The following MPP2 variants were observed in gnomAD, a reference collection of about 807,000 sequenced individuals.
The protein encoded by MPP2 is MAGUK p55 scaffold protein 2, also known as MAGUK p55 subfamily member 2.
In MPP2, 42 loss-of-function variants were observed where a neutral mutation model predicts 58.5. That is an observed-to-expected ratio of 0.72 (90% confidence interval 0.56 to 0.93). MPP2 has a LOEUF of 0.93. MPP2 is among the 40% of genes least tolerant of loss of function. The probability of loss-of-function intolerance (pLI) is 0.00; values close to 1 mark genes in which losing one functional copy is unlikely to be tolerated. For synonymous variants in MPP2, 300 were observed against 307.8 expected (o/e 0.97, Z 0.26); for missense variants, 632 against 760.4 (o/e 0.83, Z 1.99).
At position 43,882,316 on chromosome 17, in the gene MPP2, G is replaced by GT. The variant is rs780354179; in HGVS notation, c.648_649insA (p.Pro217ThrfsTer19). On this transcript the variant is annotated frameshift_variant, in exon 6 of 13. Transcript: ENST00000269095. LOFTEE classifies it high-confidence loss of function. Reference sequence around the variant, plus strand: ...GGCAGATGGGGCTCCTGGTAGCTGGGCAGGATCTTGAGGATGACACTGCCA... The same window carrying GT: ...GGCAGATGGGGCTCCTGGTAGCTGGGTCAGGATCTTGAGGATGACACTGCCA... 1.9e-6 allele frequency: 3 copies of GT among 1,612,068 alleles called. No homozygotes were observed. The highest frequency in any genetic ancestry group is 1.7e-6 in the Non-Finnish European group (2 of 1,179,874).
chr17:43,896,360 C>A (rs1243188789), intron 3 of MPP2, among the ~76,000 whole-genome samples: 8 of 152,122 alleles, frequency 5.3e-5, no homozygotes. Flanking sequence ...GCAGCCCCAC[C>A]CTACATTATC....
rs2046904462 is a variant in MPP2 at position 43,877,669 on chromosome 17, G to A, written c.*138C>T. On this transcript the variant is annotated 3_prime_UTR_variant, in exon 13 of 13. Transcript: ENST00000269095. ...CGCCTCTGTGCTGAAGCCAGACTTAGGGCCTGCTGGGAGCTGTTACCCAAG... is the reference window on the plus strand; with the variant it reads ...CGCCTCTGTGCTGAAGCCAGACTTAAGGCCTGCTGGGAGCTGTTACCCAAG... 6.6e-6 allele frequency: 5 copies of A among 760,792 alleles called. No individual in the cohort carries two copies. In the South Asian group the frequency reaches 8.0e-5, roughly 12 times the overall value. 47.1% of individuals were successfully genotyped at this position (760,792 alleles called of 1,614,324 possible). A position where few individuals can be genotyped will look rare whatever the true frequency, so the allele number is the denominator to read the frequency against.
chr17:43,881,333 C>A lies in MPP2; in HGVS notation c.830G>T (p.Gly277Val). The A allele has an allele frequency of 1.2e-6, 2 of 1,614,088 alleles. No individual in the cohort carries two copies. Among genetic ancestry groups the A allele is most frequent in the Non-Finnish European group, 1.7e-6 (2 of 1,180,008 alleles). ...GCTGGGAATGAGCCCAGCACTGCCC[C>A]CTTCGACATGGCATGCCTAAAACGG... is the stretch of plus-strand genomic sequence containing the variant. ...ANWWQACHVE[G>V]GSAGLIPSQL... The change falls in exon 8 of 13, where the codon GGG becomes GTG. Residue 277 changes from glycine to valine, a missense_variant. Physicochemically the swap from Gly to Val is moderately radical, Grantham distance 109 (BLOSUM62 -3). Transcript: ENST00000269095.
At chr17:43,907,574 G>T (rs1250128158), upstream of MPP2, 1 of 985,428 alleles carries the variant, frequency 1.0e-6, no homozygotes, top group Admixed American at 6.1e-5. Context: ...AAGCGGCAAG[G>T]CCTCTCCGCG....
intron 3 of MPP2, among the ~76,000 whole-genome samples, chr17:43,896,823 C>T (rs1321861915): frequency 6.6e-6 from 1 of 152,140 alleles, no homozygotes; most frequent in African/African-American, 2.4e-5. Context: ...CAGGAGAGGA[C>T]TGCTCCACCT....
chr17:43,900,584 G>A, intron 2 of MPP2: 1 of 1,514,058 alleles, frequency 6.6e-7, no homozygotes, highest in Non-Finnish European at 8.9e-7. Flanking sequence ...CTCCCGGAGC[G>A]TCCTACACGC....
chr17:43,893,697 C>T (rs2047700459), intron 3 of MPP2, among the ~76,000 whole-genome samples: 1 of 152,184 alleles, frequency 6.6e-6, no homozygotes, highest in Non-Finnish European at 1.5e-5. Flanking sequence ...TTGTGTGCTC[C>T]TTATGAGAAG....
chr17:43,907,674 C>CG (rs199740913), upstream of MPP2: 747 of 985,650 alleles, frequency 7.6e-4, 5 homozygotes, highest in African/African-American at 0.012. Flanking sequence ...GCAGCTGGTA[C>CG]GGGGGCAGCC....
In MPP2 at chr17:43,882,522, G is replaced by A; in HGVS notation, c.454-11C>T. The A allele has an allele frequency of 1.9e-6, 3 of 1,601,170 alleles. No homozygotes were observed. Among genetic ancestry groups the A allele is most frequent in the South Asian group, 2.2e-5 (2 of 91,032 alleles). On this transcript the variant is annotated splice_polypyrimidine_tract_variant and intron_variant, in intron 5 of 12. Transcript: ENST00000269095. ...GCGGAACGTTACACCCTGGAGGTCA[G>A]AGGGAGTGTAAGATGAGGCCCCAAT...
At chr17:43,905,999 C>T (rs1003841943) in intron 1 of MPP2, 7 of 699,310 alleles carry the variant, frequency 1.0e-5, no homozygotes, top group Non-Finnish European at 1.2e-5. Flanking sequence ...ACTGTGCTGG[C>T]CCGTGCCCCT....
At position 43,881,458 on chromosome 17, in the gene MPP2, C is replaced by T; in HGVS notation, c.813G>A (p.Gln271=). 1 of 1,614,134 alleles carries T rather than the reference C, an allele frequency of 6.2e-7. No homozygotes were observed. The highest frequency in any genetic ancestry group is 8.5e-7 in the Non-Finnish European group (1 of 1,180,006). ...AGATGCGGGGGTGCCCGCAGCTCAC[C>T]TGCCACCAGTTGGCATCATCCTGGT... is the stretch of plus-strand genomic sequence containing the variant. ...IVNQDDANWW[Q]ACHVEGGSAG... The change falls in exon 7 of 13, where the codon CAG becomes CAA. Residue 271 remains glutamine, a splice_region_variant and synonymous_variant. Coordinates refer to ENST00000269095, the MANE Select transcript of MPP2 (RefSeq NM_005374.5).
At chr17:43,891,324 A>G (rs2047596314) in intron 3 of MPP2, among the ~76,000 whole-genome samples, 1 of 152,176 alleles carries the variant, frequency 6.6e-6, no homozygotes, top group South Asian at 2.1e-4. Flanking sequence ...GTTCAAGGCC[A>G]GCCTGGCCAA....
At chr17:43,882,871 C>T (rs1481001337) in intron 5 of MPP2, 32 bp downstream of exon 5, 1 of 1,612,552 alleles carries the variant, frequency 6.2e-7, no homozygotes, top group African/African-American at 1.3e-5. Context: ...CCACCCTCAC[C>T]AGCACCACCT....
At position 43,876,307 on chromosome 17, in the gene MPP2, G is replaced by T. The variant is rs2046826622; in HGVS notation, c.*1500C>A. ...GGAGGCACAAGGGTTTGGACTCAGG[G>T]TGTCACAGGTTGTCCCCTCTGAGGA... On this transcript the variant is annotated 3_prime_UTR_variant, in exon 13 of 13. Coordinates refer to ENST00000269095, the MANE Select transcript of MPP2 (RefSeq NM_005374.5). The T allele has an allele frequency of 1.3e-5, 2 of 152,666 alleles. No homozygotes were observed. The highest frequency in any genetic ancestry group is 1.3e-4 in the Admixed American group (2 of 15,290). The allele number at this position is 152,666 out of a possible 1,614,324, so 9.5% of individuals were successfully genotyped here.
intron 3 of MPP2, among the ~76,000 whole-genome samples, chr17:43,889,045 C>G (rs1013100215): frequency 2.6e-5 from 4 of 151,778 alleles, no homozygotes; most frequent in African/African-American, 9.7e-5. Flanking sequence ...TGTGCTTCAA[C>G]CTCCCGAACA....
At chr17:43,902,293 C>T (rs1219164180) in intron 2 of MPP2, among the ~76,000 whole-genome samples, 1 of 152,114 alleles carries the variant, frequency 6.6e-6, no homozygotes, top group African/African-American at 2.4e-5. Flanking sequence ...TCCTCCCCCA[C>T]CACGCCCCCA....
chr17:43,907,776 C>T (rs1468241527), upstream of MPP2: 6 of 985,350 alleles, frequency 6.1e-6, no homozygotes, highest in South Asian at 1.9e-4. Flanking sequence ...TACCAGTACC[C>T]GCTGGTGCCC....
intron 1 of MPP2, among the ~76,000 whole-genome samples, chr17:43,906,480 G>T (rs944020644): frequency 6.6e-6 from 1 of 152,158 alleles, no homozygotes; most frequent in Non-Finnish European, 1.5e-5. Flanking sequence ...CATAGTGTCC[G>T]CAGGCGAGCG....
At chr17:43,883,405 T>TG in intron 3 of MPP2, 50 bp from the exon 4 acceptor site, 1 of 1,576,998 alleles carries the variant, frequency 6.3e-7, no homozygotes, top group Non-Finnish European at 8.6e-7. Context: ...CCAGGAGCCC[T>TG]GGGACACCAA....
Sources: allele counts gnomAD v4.1 joint callset (sites outside exome capture counted in the v4.1 genomes callset), GRCh38; gene constraint gnomAD v4.1.1; transcripts MANE v1.5; gene names NCBI Gene and HGNC (gene_info 2026-07-23, HGNC 2026-07-21).